Variants in CFAP100 observed in about 807,000 individuals in gnomAD.
CFAP100 encodes the protein cilia- and flagella-associated protein 100.
CFAP100 carries 70 observed loss-of-function variants against 81.5 expected under a neutral mutation model. The observed-to-expected ratio is 0.86, with a 90% CI of 0.71 to 1.05. The LOEUF is 1.05. Ranked by LOEUF, CFAP100 falls within the 50% of genes least tolerant of loss-of-function variation. The pLI is 0.00. For synonymous variants in CFAP100, 341 were observed against 314.8 expected (o/e 1.08, Z -0.88); for missense variants, 811 against 776.5 (o/e 1.04, Z -0.53).
chr3:126,430,653 T>C (rs1449783826), intron 13 of CFAP100, among the ~76,000 whole-genome samples: 1 of 152,030 alleles, frequency 6.6e-6, no homozygotes, highest in Non-Finnish European at 1.5e-5. Flanking sequence ...GCTAATTTCA[T>C]GTGACCTATC....
At chr3:126,396,081 A>C in intron 2 of CFAP100, 32 bp downstream of exon 2, 1 of 1,585,344 alleles carries the variant, frequency 6.3e-7, no homozygotes. Flanking sequence ...GCACTCTCAG[A>C]GGTCAGGGGC....
chr3:126,409,242 G>C (rs1317089624), intron 3 of CFAP100, among the ~76,000 whole-genome samples: 2 of 152,186 alleles, frequency 1.3e-5, no homozygotes, highest in African/African-American at 4.8e-5. Context: ...CCAGCCTCCT[G>C]TAAATGGAAT....
intron 14 of CFAP100, chr3:126,433,916 C>T (rs1933342242): frequency 8.2e-6 from 4 of 486,060 alleles, no homozygotes; most frequent in South Asian, 7.4e-5. Flanking sequence ...GGGGACTGGG[C>T]CCCGTTGGCT....
chr3:126,423,234 T>TGCCAACGCC, intron 11 of CFAP100, 91 bp from the exon 12 acceptor site: 1 of 1,055,656 alleles, frequency 9.5e-7, no homozygotes, highest in Non-Finnish European at 1.4e-6. Flanking sequence ...ATGGGGATGC[T>TGCCAACGCC]GCCAACGCCT....
At chr3:126,423,109 G>T (rs779712307) in intron 11 of CFAP100, among the ~76,000 whole-genome samples, 1 of 152,216 alleles carries the variant, frequency 6.6e-6, no homozygotes, top group Non-Finnish European at 1.5e-5. Flanking sequence ...AGTGGCTACG[G>T]CCTTGGGAAA....
At chr3:126,420,473 A>G (rs2083313013) in intron 11 of CFAP100, among the ~76,000 whole-genome samples, 1 of 152,192 alleles carries the variant, frequency 6.6e-6, no homozygotes, top group South Asian at 2.1e-4. Context: ...GAGCAGGTGT[A>G]AGGCTGATTT....
In CFAP100 at chr3:126,414,095, T is replaced by C. The variant is rs1576628598; in HGVS notation, c.141T>C (p.Pro47=). Residue 47 remains proline, a synonymous_variant, in exon 4 of 17, where the codon CCT becomes CCC. Transcript: ENST00000352312. ...TGTCTCCCTTTCCAGAACATGGTCC[T>C]GACCCTTCAGCGAACCCTTTCCACT... ...KQARKNEEHG[P]DPSANPFHLS... is the part of the protein sequence containing the mutation. 1.2e-6 allele frequency: 2 copies of C among 1,613,468 alleles called. No individual in the cohort carries two copies. Among genetic ancestry groups the C allele is most frequent in the Non-Finnish European group, 1.7e-6 (2 of 1,179,354 alleles).
Position 126,418,529 on chromosome 3 carries a change from G to A in CFAP100, c.486+4G>A. The A allele has an allele frequency of 1.2e-6, 2 of 1,614,118 alleles. No homozygotes were observed. Among genetic ancestry groups the A allele is most frequent in the African/African-American group, 1.3e-5 (1 of 75,054 alleles). On this transcript the variant is annotated splice_donor_region_variant and intron_variant, in intron 6 of 16. Transcript: ENST00000352312. ...GCGGCAAATGTTCCTCCTCCAGGTAGGTCCCGTGGCCCCCAGAGCGATGGA... is the reference window on the plus strand; with the variant it reads ...GCGGCAAATGTTCCTCCTCCAGGTAAGTCCCGTGGCCCCCAGAGCGATGGA...
intron 3 of CFAP100, 76 bp from the exon 4 acceptor site, chr3:126,414,009 C>T: frequency 9.8e-7 from 1 of 1,021,110 alleles, no homozygotes; most frequent in Non-Finnish European, 1.6e-6. Flanking sequence ...GCTGGGAAGG[C>T]AGTGGGGCCC....
chr3:126,398,904 G>A (rs1016602240), intron 2 of CFAP100, among the ~76,000 whole-genome samples: 4 of 152,220 alleles, frequency 2.6e-5, no homozygotes, highest in Non-Finnish European at 1.5e-5. Flanking sequence ...ATTTAGTAGA[G>A]TGCAGCAAAC....
At chr3:126,404,815 C>G (rs552186851) in intron 2 of CFAP100, among the ~76,000 whole-genome samples, 8 of 152,304 alleles carry the variant, frequency 5.3e-5, no homozygotes, top group African/African-American at 1.9e-4. Context: ...GCTGGGACTA[C>G]AGGTGCACAC....
At chr3:126,399,444 A>G (rs1010919152) in intron 2 of CFAP100, among the ~76,000 whole-genome samples, 58 of 152,348 alleles carry the variant, frequency 3.8e-4, no homozygotes, top group African/African-American at 1.3e-3. Flanking sequence ...CCCAGACTGA[A>G]AAGGAGGAAG....
At chr3:126,418,423 T>G in intron 5 of CFAP100, 35 bp from the exon 6 acceptor site, 1 of 1,610,560 alleles carries the variant, frequency 6.2e-7, no homozygotes, top group Non-Finnish European at 8.5e-7. Context: ...AGCCTGGGCT[T>G]CCCGCTCCTG....
chr3:126,423,397 C>T (rs1247777295), intron 12 of CFAP100, 21 bp downstream of exon 12: 1 of 1,612,006 alleles, frequency 6.2e-7, no homozygotes, highest in Non-Finnish European at 8.5e-7. Context: ...CAGTGCTGGG[C>T]TGGAATTCGG....
chr3:126,411,751 A>G (rs749610347), intron 3 of CFAP100, among the ~76,000 whole-genome samples: 1 of 152,100 alleles, frequency 6.6e-6, no homozygotes, highest in Non-Finnish European at 1.5e-5. Context: ...TGGTGGATGA[A>G]TATCTCCAGT....
intron 4 of CFAP100, chr3:126,414,445 C>T (rs985088414): frequency 3.2e-6 from 2 of 618,210 alleles, no homozygotes; most frequent in Non-Finnish European, 5.8e-6. Flanking sequence ...TGGCAACAGC[C>T]TCAGCCACCT....
In CFAP100 at chr3:126,423,202, G is replaced by T. The variant is rs181385880; in HGVS notation, c.1083-123G>T. The T allele has an allele frequency of 4.8e-5, 36 of 745,944 alleles. No individual in the cohort carries two copies. In the East Asian group the frequency reaches 9.8e-4, roughly 20 times the overall value. 46.2% of individuals were successfully genotyped at this position (745,944 alleles called of 1,614,324 possible). ...GCTGGTGCTGCCCTCTGGGTAACTT[G>T]TGGGCAGCTGGGAGAGGAGGGATGG... On this transcript the variant is annotated intron_variant, in intron 11 of 16. Coordinates refer to ENST00000352312, the MANE Select transcript of CFAP100 (RefSeq NM_182628.3).
intron 15 of CFAP100, 30 bp from the exon 16 acceptor site, chr3:126,435,529 C>T (rs1411352687): frequency 1.3e-6 from 2 of 1,590,020 alleles, no homozygotes; most frequent in Non-Finnish European, 1.7e-6. Flanking sequence ...CAGGTCCCCC[C>T]AGTTTTCAAT....
chr3:126,418,410 C>T (rs1437963153), intron 5 of CFAP100, 48 bp from the exon 6 acceptor site: 2 of 1,589,220 alleles, frequency 1.3e-6, no homozygotes, highest in African/African-American at 1.3e-5. Context: ...CAGGCCCCTC[C>T]TCAGCCTGGG....
Sources: allele counts gnomAD v4.1 joint callset (sites outside exome capture counted in the v4.1 genomes callset), GRCh38; gene constraint gnomAD v4.1.1; transcripts MANE v1.5; gene names NCBI Gene and HGNC (gene_info 2026-07-23, HGNC 2026-07-21).